PTPRG: variants seen among roughly 807,000 people sequenced by gnomAD.
PTPRG encodes protein tyrosine phosphatase receptor type G.
A neutral mutation model predicts 165.3 loss-of-function variants in PTPRG; 102 were observed. That is an observed-to-expected ratio of 0.62 (90% confidence interval 0.53 to 0.73). PTPRG has a LOEUF of 0.73. Ranked by LOEUF, PTPRG falls within the 30% of genes least tolerant of loss-of-function variation. The pLI is 0.00. For missense variants in PTPRG, 1,866 were observed against 1,861.4 expected (o/e 1.00, Z -0.05); for synonymous variants, 675 against 669.5 (o/e 1.01, Z -0.13).
intron 10 of PTPRG, among the ~76,000 whole-genome samples, chr3:62,197,945 C>T (rs988930081): frequency 6.6e-6 from 1 of 152,040 alleles, no homozygotes; most frequent in African/African-American, 2.4e-5. Context: ...TGGCATTTAT[C>T]CCTCTATGTT....
intron 13 of PTPRG, among the ~76,000 whole-genome samples, chr3:62,223,773 G>GT (rs199678882): frequency 2.0e-4 from 31 of 151,828 alleles, no homozygotes; most frequent in African/African-American, 5.6e-4. Context: ...CTCAAATGAA[G>GT]TTTTTTTTTA....
intron 4 of PTPRG, among the ~76,000 whole-genome samples, chr3:62,019,239 C>T (rs2041624719): frequency 1.3e-5 from 2 of 152,290 alleles, no homozygotes; most frequent in African/African-American, 4.8e-5. Context: ...AACAATTCCT[C>T]AGGCCGGATG....
chr3:62,174,962 CA>C (rs1472448576), intron 8 of PTPRG, among the ~76,000 whole-genome samples: 1 of 152,066 alleles, frequency 6.6e-6, no homozygotes, highest in Non-Finnish European at 1.5e-5. Flanking sequence ...TTTGATTTGT[CA>C]TTCTTTTTTT....
At chr3:62,005,683 T>G (rs1308699972) in intron 4 of PTPRG, among the ~76,000 whole-genome samples, 1 of 145,850 alleles carries the variant, frequency 6.9e-6, no homozygotes, top group Non-Finnish European at 1.5e-5. Context: ...TCAAAGACAT[T>G]AATATCCTTT....
intron 7 of PTPRG, among the ~76,000 whole-genome samples, chr3:62,158,967 G>A (rs566155563): frequency 7.2e-5 from 11 of 151,948 alleles, no homozygotes; most frequent in Non-Finnish European, 4.4e-5. Flanking sequence ...TATAAACAGC[G>A]TTGGTGGAAG....
intron 2 of PTPRG, among the ~76,000 whole-genome samples, chr3:61,808,376 T>G (rs1250223851): frequency 6.6e-6 from 1 of 152,172 alleles, no homozygotes; most frequent in Non-Finnish European, 1.5e-5. Context: ...TGGTGAACTT[T>G]GTACGTGGCA....
intron 5 of PTPRG, among the ~76,000 whole-genome samples, chr3:62,092,109 CACACACACACACACACACACAA>C (rs1701955064): frequency 2.1e-5 from 2 of 97,468 alleles, no homozygotes; most frequent in South Asian, 3.3e-4. Context: ...CACACACACA[CACACACACACACACACACACAA>C]TCTGTAAACT....
chr3:62,150,428 A>G (rs1243471508), intron 6 of PTPRG, among the ~76,000 whole-genome samples: 1 of 152,218 alleles, frequency 6.6e-6, no homozygotes, highest in Non-Finnish European at 1.5e-5. Context: ...AAAAACGCAG[A>G]ATCTCAGCTC....
intron 9 of PTPRG, among the ~76,000 whole-genome samples, chr3:62,193,691 AG>A (rs774322712): frequency 6.6e-6 from 1 of 152,256 alleles, no homozygotes; most frequent in Non-Finnish European, 1.5e-5. Context: ...ACATGGCCCT[AG>A]CCTACCCCTC....
At chr3:61,813,903 T>TA (rs1185653790) in intron 2 of PTPRG, among the ~76,000 whole-genome samples, 44 of 151,196 alleles carry the variant, frequency 2.9e-4, no homozygotes, top group African/African-American at 1.0e-3. Context: ...TTTTTTTTTT[T>TA]TTGGGGGGGG....
At chr3:61,579,416 G>GT (rs1390707239) in intron 1 of PTPRG, among the ~76,000 whole-genome samples, 4 of 152,178 alleles carry the variant, frequency 2.6e-5, no homozygotes, top group Non-Finnish European at 5.9e-5. Context: ...TCCGACACGT[G>GT]TTTTTTACAA....
intron 2 of PTPRG, among the ~76,000 whole-genome samples, chr3:61,872,982 C>T (rs185865138): frequency 2.6e-5 from 4 of 152,196 alleles, no homozygotes; most frequent in Admixed American, 1.3e-4. Context: ...GGGTCAGGCC[C>T]ATCAGAGTGT....
chr3:61,592,616 C>T (rs1467912720), intron 1 of PTPRG, among the ~76,000 whole-genome samples: 4 of 142,026 alleles, frequency 2.8e-5, no homozygotes, highest in African/African-American at 5.4e-5. Context: ...CCAATTTTTT[C>T]TTTTCTCTCT....
At chr3:62,091,736 A>G (rs1398059937) in intron 5 of PTPRG, among the ~76,000 whole-genome samples, 1 of 152,172 alleles carries the variant, frequency 6.6e-6, no homozygotes, top group African/African-American at 2.4e-5. Flanking sequence ...ATACTAGGGC[A>G]TGGGAATTAT....
intron 28 of PTPRG, among the ~76,000 whole-genome samples, chr3:62,289,836 C>T (rs1702814231): frequency 6.6e-6 from 1 of 151,622 alleles, no homozygotes; most frequent in South Asian, 2.1e-4. Context: ...ATTTAAGATA[C>T]ATGATACTTG....
chr3:62,068,588 G>C (rs1303978924), intron 4 of PTPRG, among the ~76,000 whole-genome samples: 2 of 152,114 alleles, frequency 1.3e-5, no homozygotes, highest in African/African-American at 4.8e-5. Context: ...TGATCCTCCT[G>C]CCTCAGCCTC....
At chr3:61,599,248 C>T (rs1700782402) in intron 1 of PTPRG, among the ~76,000 whole-genome samples, 1 of 152,092 alleles carries the variant, frequency 6.6e-6, no homozygotes, top group African/African-American at 2.4e-5. Context: ...CTCCCAGGTT[C>T]AAGCGATTCT....
intron 4 of PTPRG, among the ~76,000 whole-genome samples, chr3:62,068,455 G>A (rs368391795): frequency 1.3e-5 from 2 of 151,970 alleles, no homozygotes; most frequent in African/African-American, 2.4e-5. Flanking sequence ...CAGTAAACTC[G>A]GCCCTACTCT....
chr3:61,829,855 A>G lies in PTPRG; in HGVS notation c.190+80873A>G, dbSNP rs139884926. Among the ~76,000 whole-genome samples the G allele has an allele frequency of 2.6e-5, 4 of 152,286 alleles. No individual in the cohort carries two copies. The East Asian group carries it at 7.7e-4, about 29-fold the overall frequency. On this transcript the variant is annotated intron_variant, in intron 2 of 29. Transcript: ENST00000474889. Reference sequence around the variant, plus strand: ...CTGAACTTGGAATGAAAGGAGACAGAGCGCCTGTGTATTTTGGAGGAAGAG... The same window carrying G: ...CTGAACTTGGAATGAAAGGAGACAGGGCGCCTGTGTATTTTGGAGGAAGAG...
Sources: allele counts gnomAD v4.1 joint callset (sites outside exome capture counted in the v4.1 genomes callset), GRCh38; gene constraint gnomAD v4.1.1; transcripts MANE v1.5; gene names NCBI Gene and HGNC (gene_info 2026-07-23, HGNC 2026-07-21).